Variants in ACACA observed in about 807,000 individuals in gnomAD.
ACACA encodes the protein acetyl-CoA carboxylase 1.
A neutral mutation model predicts 296.1 loss-of-function variants in ACACA; 103 were observed. The observed-to-expected ratio is 0.35, with a 90% CI of 0.30 to 0.41. The LOEUF is 0.41. Among genes scored for constraint, ACACA ranks in the 10% least tolerant of loss-of-function variants. ACACA has a pLI of 1.00. For synonymous variants in ACACA, 953 were observed against 1,038.6 expected, an observed-to-expected ratio of 0.92 and a Z score of 1.58; for missense variants, 1,554 against 2,989.7, an observed-to-expected ratio of 0.52 and a Z score of 11.20.
At position 37,179,353 on chromosome 17, in the gene ACACA, G is replaced by A; in HGVS notation, c.4986C>T (p.Pro1662=). 1 of 1,614,150 alleles carries A rather than the reference G, an allele frequency of 6.2e-7. No individual in the cohort carries two copies. The highest frequency in any genetic ancestry group is 8.5e-7 in the Non-Finnish European group (1 of 1,180,016). ...AAGTCAGCATGTCAGAAGGCAGAGGGGGAGATGGAAGAAATGCTTGAGTGG... is the reference window on the plus strand; with the variant it reads ...AAGTCAGCATGTCAGAAGGCAGAGGAGGAGATGGAAGAAATGCTTGAGTGG... ...SMSTQAFLPS[P]PLPSDMLTYT... Residue 1662 remains proline (P), a synonymous_variant, in exon 41 of 56, where the codon CCC becomes CCT. Coordinates refer to ENST00000616317, the MANE Select transcript of ACACA (RefSeq NM_198834.3).
chr17:37,236,044 A>C (rs1264890503), intron 24 of ACACA, among the ~76,000 whole-genome samples: 14 of 152,226 alleles, frequency 9.2e-5, no homozygotes, highest in Non-Finnish European at 1.5e-4. Flanking sequence ...GAATTTTATG[A>C]AATCATGAAA....
chr17:37,087,430 C>G lies in ACACA; in HGVS notation c.7038G>C (p.Gln2346His), dbSNP rs1189421531. The G allele has an allele frequency of 6.2e-7, 1 of 1,614,060 alleles. No individual in the cohort carries two copies. Among genetic ancestry groups the G allele is most frequent in the Admixed American group, 1.7e-5 (1 of 60,008 alleles). ...AATCCATGGCAACCTCTGGATTGGCCTGGACCAAGCTGGAAAGGAAGATTG... is the reference window on the plus strand; with the variant it reads ...AATCCATGGCAACCTCTGGATTGGCGTGGACCAAGCTGGAAAGGAAGATTG... Reference protein sequence around the residue: ...YVLKQIRSLVQANPEVAMDSI... With the variant: ...YVLKQIRSLVHANPEVAMDSI... The change falls in exon 56 of 56, where the codon CAG becomes CAC. Residue 2346 changes from glutamine to histidine, a missense_variant. Gln to His is a conservative substitution (Grantham distance 24). This residue lies in a region of ACACA where 553 missense variants were observed against 1,043.6 expected (regional missense o/e 0.53). Transcript: ENST00000616317.
chr17:37,170,227 T>C (rs966113819), intron 41 of ACACA, among the ~76,000 whole-genome samples: 1 of 151,974 alleles, frequency 6.6e-6, no homozygotes, highest in African/African-American at 2.4e-5. Flanking sequence ...CAGAAATAAA[T>C]ATTTGTTTCC....
chr17:37,085,428 G>A lies in ACACA; in HGVS notation c.*1888C>T. 2 of 393,712 alleles carry A rather than the reference G, an allele frequency of 5.1e-6. No homozygotes were observed. Among genetic ancestry groups the A allele is most frequent in the African/African-American group, 2.1e-5 (1 of 48,620 alleles). 24.4% of individuals were successfully genotyped at this position (393,712 alleles called of 1,614,324 possible). A position where few individuals can be genotyped will look rare whatever the true frequency, so the allele number is the denominator to read the frequency against. ...GAAGACATGCCTGGACAGGCCTCCT[G>A]GGGGGTGCAGGACTTCATACCACTT... is the stretch of plus-strand genomic sequence containing the variant. On this transcript the variant is annotated 3_prime_UTR_variant, in exon 56 of 56. Transcript: ENST00000616317.
rs532853832 is a variant in ACACA at position 37,192,363 on chromosome 17, A to G, written c.4201-58T>C. ...CAAGAGGCAGTTACAAAATTATACTATGAATGTGAATGTAAAAGAGATGCC... is the reference window on the plus strand; with the variant it reads ...CAAGAGGCAGTTACAAAATTATACTGTGAATGTGAATGTAAAAGAGATGCC... On this transcript the variant is annotated intron_variant, in intron 36 of 55. Coordinates refer to ENST00000616317, the MANE Select transcript of ACACA (RefSeq NM_198834.3). The G allele has an allele frequency of 6.4e-5, 92 of 1,447,006 alleles. 1 individual carries two copies. The South Asian group carries it at 1.0e-3, about 16-fold the overall frequency. The allele number at this position is 1,447,006 out of a possible 1,614,324, so 89.6% of individuals were successfully genotyped here.
Position 37,277,977 on chromosome 17 carries a change from C to T in ACACA, c.639G>A (p.Val213=), listed in dbSNP as rs536878948. 1.2e-5 allele frequency: 20 copies of T among 1,613,824 alleles called. No homozygotes were observed. The East Asian group carries it at 3.8e-4, about 31-fold the overall frequency. ...AEYIKMADHY[V]PVPGGPNNNN... The stretch of plus-strand genomic sequence containing the variant: ...TGTTGTTTGGTCCTCCAGGCACTGG[C>T]ACATAGTGATCTGCCATCTTAATGT... The change falls in exon 6 of 56, where the codon GTG becomes GTA. Residue 213 remains valine (V), a synonymous_variant. Transcript: ENST00000616317.
intron 45 of ACACA, chr17:37,143,812 T>C (rs2075702452): frequency 5.6e-6 from 7 of 1,255,498 alleles, no homozygotes; most frequent in Non-Finnish European, 3.5e-6. Flanking sequence ...TTTAGCTCAA[T>C]ATGCAGCAGT....
At chr17:37,324,813 G>T (rs1211773598) in intron 3 of ACACA, among the ~76,000 whole-genome samples, 2 of 106,008 alleles carry the variant, frequency 1.9e-5, no homozygotes, top group African/African-American at 3.6e-5. Context: ...CCAGCCTGGG[G>T]AACAACAGTG....
intron 41 of ACACA, among the ~76,000 whole-genome samples, chr17:37,177,066 C>T (rs2077143049): frequency 6.6e-6 from 1 of 152,058 alleles, no homozygotes; most frequent in Non-Finnish European, 1.5e-5. Flanking sequence ...CTGACAAAAA[C>T]TCAAAATCTT....
At chr17:37,371,513 A>G (rs749565650) in intron 1 of ACACA, among the ~76,000 whole-genome samples, 3 of 152,100 alleles carry the variant, frequency 2.0e-5, no homozygotes, top group Non-Finnish European at 2.9e-5. Context: ...GGGTGATGGT[A>G]ACATATGTTC....
chr17:37,125,892 TG>T, intron 47 of ACACA, 98 bp from the exon 48 acceptor site: 1 of 1,106,674 alleles, frequency 9.0e-7, no homozygotes, highest in South Asian at 1.3e-5. Flanking sequence ...GGGATTATTT[TG>T]GGGAGTTTGT....
Position 37,125,633 on chromosome 17 carries a change from A to G in ACACA, c.6041+65T>C, listed in dbSNP as rs1014198473. 1.6e-5 allele frequency: 21 copies of G among 1,333,882 alleles called. No homozygotes were observed. The East Asian group carries it at 4.7e-4, about 30-fold the overall frequency. 82.6% of individuals were successfully genotyped at this position (1,333,882 alleles called of 1,614,324 possible). A position where few individuals can be genotyped will look rare whatever the true frequency, so the allele number is the denominator to read the frequency against. ...ATTATTGGTATATATCTATAGAGCC[A>G]TGGCTCTTTCTTTCTTATTTTTAGT... On this transcript the variant is annotated intron_variant, in intron 48 of 55. Transcript: ENST00000616317.
chr17:37,182,106 T>C (rs904426051), intron 39 of ACACA, among the ~76,000 whole-genome samples: 2 of 151,940 alleles, frequency 1.3e-5, no homozygotes, highest in Non-Finnish European at 2.9e-5. Context: ...AATTCTCTTC[T>C]TTCCTCAATG....
Position 37,221,746 on chromosome 17 carries a change from G to A in ACACA, c.3661C>T (p.Leu1221=), listed in dbSNP as rs565902572. ...NTCVVEFQFM[L]PTSHPNRGNI... ...CACCTGTTTGGATGAGATGTGGGCAGCATGAACTGGAATTCCACCACACAG... is the reference window on the plus strand; with the variant it reads ...CACCTGTTTGGATGAGATGTGGGCAACATGAACTGGAATTCCACCACACAG... Residue 1221 remains leucine, a synonymous_variant, in exon 29 of 56, where the codon CTG becomes TTG. Coordinates refer to ENST00000616317, the MANE Select transcript of ACACA (RefSeq NM_198834.3). The A allele has an allele frequency of 1.2e-6, 2 of 1,614,096 alleles. No individual in the cohort carries two copies. Among genetic ancestry groups the A allele is most frequent in the South Asian group, 1.1e-5 (1 of 91,088 alleles).
In ACACA at chr17:37,149,241, A is replaced by C. The variant is rs1366801944; in HGVS notation, c.5679+623T>G. ...TATGCATACTCTTTCCCAGTAACCC[A>C]TCCATGCATCCATCCACCCATCTTC... is the stretch of plus-strand genomic sequence containing the variant. On this transcript the variant is annotated intron_variant, in intron 45 of 55. Coordinates refer to ENST00000616317, the MANE Select transcript of ACACA (RefSeq NM_198834.3). Among the ~76,000 whole-genome samples, 3 of 152,214 alleles carry C rather than the reference A, an allele frequency of 2.0e-5. No homozygotes were observed. In the East Asian group the frequency reaches 5.8e-4, roughly 29 times the overall value.
At chr17:37,092,912 A>G (rs988159601) in intron 54 of ACACA, among the ~76,000 whole-genome samples, 2 of 152,140 alleles carry the variant, frequency 1.3e-5, no homozygotes, top group African/African-American at 4.8e-5. Context: ...CAGAAGCCCA[A>G]GAAAGGATGT....
In ACACA at chr17:37,200,420, T is replaced by C. The variant is rs966460435; in HGVS notation, c.4113+7A>G. ...ATATTAAAGAGGTACAATTCACATGTCAGTACCTTTTGTGCAACCAGGAAA... is the reference window on the plus strand; with the variant it reads ...ATATTAAAGAGGTACAATTCACATGCCAGTACCTTTTGTGCAACCAGGAAA... On this transcript the variant is annotated splice_region_variant and intron_variant, in intron 34 of 55. Transcript: ENST00000616317. 1.9e-6 allele frequency: 3 copies of C among 1,605,892 alleles called. No individual in the cohort carries two copies. The highest frequency in any genetic ancestry group is 4.5e-5 in the East Asian group (2 of 44,840).
intron 3 of ACACA, among the ~76,000 whole-genome samples, chr17:37,316,302 T>TACATACACACACAC (rs1362904609): frequency 1.6e-4 from 23 of 142,506 alleles, no homozygotes; most frequent in South Asian, 2.3e-4. Context: ...TACCCTTACA[T>TACATACACACACAC]ACACACACAC....
At chr17:37,142,666 A>G (rs968375530) in intron 45 of ACACA, among the ~76,000 whole-genome samples, 3 of 152,354 alleles carry the variant, frequency 2.0e-5, no homozygotes, top group Middle Eastern at 3.4e-3. Context: ...ACTGATCCTT[A>G]GAGTGATTAT....
Sources: allele counts gnomAD v4.1 joint callset (sites outside exome capture counted in the v4.1 genomes callset), GRCh38; gene constraint gnomAD v4.1.1; regional missense constraint gnomAD v4.1.1; transcripts MANE v1.5; gene names NCBI Gene and HGNC (gene_info 2026-07-23, HGNC 2026-07-21).